The following PBRM1 variants were observed in gnomAD, a reference collection of about 807,000 sequenced individuals.
PBRM1 encodes protein polybromo-1.
A neutral mutation model predicts 194.5 loss-of-function variants in PBRM1; 27 were observed. The ratio of observed to expected loss-of-function variants is 0.14; its 90% CI spans 0.10 to 0.19. The LOEUF (loss-of-function observed/expected upper bound fraction) is 0.19, where lower values mean the gene tolerates loss of function less well. Among genes scored for constraint, PBRM1 ranks in the 10% least tolerant of loss-of-function variants. The pLI is 1.00. For missense variants in PBRM1, 1,466 were observed against 2,077.2 expected, an observed-to-expected ratio of 0.71 and a Z score of 5.72; for synonymous variants, 655 against 693.2, an observed-to-expected ratio of 0.94 and a Z score of 0.87.
intron 26 of PBRM1, among the ~76,000 whole-genome samples, chr3:52,555,804 G>A (rs1021673796): frequency 2.6e-5 from 4 of 152,196 alleles, no homozygotes; most frequent in African/African-American, 9.7e-5. Context: ...ACTGGCTAGA[G>A]AAGAGTTTCA....
chr3:52,588,204 A>C (rs922367836), intron 18 of PBRM1, among the ~76,000 whole-genome samples: 1 of 152,172 alleles, frequency 6.6e-6, no homozygotes, highest in African/African-American at 2.4e-5. Context: ...GAAGGAATAC[A>C]AAAGTATTTC....
chr3:52,556,786 T>C (rs1211893597), intron 26 of PBRM1, among the ~76,000 whole-genome samples: 4 of 152,172 alleles, frequency 2.6e-5, no homozygotes, highest in African/African-American at 9.7e-5. Flanking sequence ...CAGAGAATGC[T>C]TGCTTTTCAC....
At chr3:52,612,905 CAA>C (rs576855027) in intron 15 of PBRM1, among the ~76,000 whole-genome samples, 14,863 of 85,144 alleles carry the variant, frequency 0.17, 1,701 homozygotes, top group African/African-American at 0.43. Context: ...GAATCCGTCT[CAA>C]AAAAAAAAAA....
chr3:52,595,177 A>C (rs1184448710), intron 17 of PBRM1, among the ~76,000 whole-genome samples: 4 of 152,070 alleles, frequency 2.6e-5, no homozygotes, highest in Non-Finnish European at 5.9e-5. Flanking sequence ...TTCAATCTTT[A>C]AAGTTGCTGT....
chr3:52,550,399 G>A, intron 29 of PBRM1, 22 bp downstream of exon 31: 1 of 1,293,852 alleles, frequency 7.7e-7, no homozygotes, highest in Non-Finnish European at 1.0e-6. Context: ...TTTCACAAAG[G>A]CTTATTTAGA....
upstream of PBRM1, among the ~76,000 whole-genome samples, chr3:52,684,658 A>C (rs2097280388): frequency 6.6e-6 from 1 of 152,210 alleles, no homozygotes; most frequent in South Asian, 2.1e-4. Context: ...AGGTTCTTCC[A>C]AGTCAACATT....
intron 13 of PBRM1, among the ~76,000 whole-genome samples, chr3:52,624,101 A>G (rs1213826816): frequency 2.0e-5 from 3 of 152,198 alleles, no homozygotes; most frequent in Non-Finnish European, 4.4e-5. Context: ...TCCTAAAGCT[A>G]TCTGGGCAAT....
intron 27 of PBRM1, chr3:52,551,973 C>T (rs1199281542): frequency 1.3e-5 from 2 of 152,252 alleles, no homozygotes; most frequent in East Asian, 3.9e-4. Flanking sequence ...ATGCCACTTC[C>T]AGGAAGCATA....
At chr3:52,551,263 G>C (rs980508059) in intron 27 of PBRM1, among the ~76,000 whole-genome samples, 5 of 152,214 alleles carry the variant, frequency 3.3e-5, no homozygotes, top group Non-Finnish European at 7.3e-5. Context: ...AGAGGCTGTG[G>C]AAGTGCATAG....
chr3:52,664,082 C>T (rs2096780057), intron 3 of PBRM1, among the ~76,000 whole-genome samples: 2 of 148,650 alleles, frequency 1.3e-5, no homozygotes, highest in South Asian at 2.1e-4. Context: ...AAAAGTTGGG[C>T]ACGGTGGCGC....
chr3:52,567,344 G>A (rs902311832), intron 22 of PBRM1, among the ~76,000 whole-genome samples: 4 of 151,934 alleles, frequency 2.6e-5, no homozygotes, highest in Non-Finnish European at 5.9e-5. Context: ...CAATTTGCAC[G>A]TAGGTGAATA....
intron 13 of PBRM1, among the ~76,000 whole-genome samples, chr3:52,624,246 G>A (rs1203690006): frequency 6.6e-6 from 1 of 152,164 alleles, no homozygotes; most frequent in Non-Finnish European, 1.5e-5. Context: ...TAAAAGAGAT[G>A]ACTAAATGTT....
intron 9 of PBRM1, 117 bp from the exon 11 acceptor site, chr3:52,642,162 A>T (rs2096117762): frequency 2.9e-6 from 2 of 678,522 alleles, no homozygotes; most frequent in South Asian, 3.4e-5. Context: ...ATTTCTATTC[A>T]ATTGCCTCCT....
intron 15 of PBRM1, 46 bp downstream of exon 17, chr3:52,615,305 C>A (rs761001375): frequency 9.8e-7 from 1 of 1,022,516 alleles, no homozygotes; most frequent in Non-Finnish European, 1.5e-6. Flanking sequence ...TCAGCAATCT[C>A]TTCTTGATAG....
exon 24 of PBRM1, chr3:52,563,313 C>T: frequency 6.2e-7 from 1 of 1,614,102 alleles, no homozygotes; most frequent in Middle Eastern, 1.6e-4. Flanking sequence ...TGAGGTCCAG[C>T]TCACTGGCCA....
intron 17 of PBRM1, among the ~76,000 whole-genome samples, chr3:52,591,380 G>A (rs937170702): frequency 1.3e-5 from 2 of 152,048 alleles, no homozygotes; most frequent in African/African-American, 2.4e-5. Flanking sequence ...TCAGCATGAC[G>A]TTGGGTGGCT....
At chr3:52,612,994 C>T (rs1286103373) in intron 15 of PBRM1, among the ~76,000 whole-genome samples, 1 of 150,604 alleles carries the variant, frequency 6.6e-6, no homozygotes, top group Non-Finnish European at 1.5e-5. Context: ...TATAAAAATA[C>T]ATTTGTGAGA....
intron 22 of PBRM1, among the ~76,000 whole-genome samples, chr3:52,573,689 C>T (rs1403178551): frequency 6.6e-6 from 1 of 152,214 alleles, no homozygotes; most frequent in Non-Finnish European, 1.5e-5. Context: ...AGGGCCATTA[C>T]TTCACAGAAA....
intron 12 of PBRM1, among the ~76,000 whole-genome samples, chr3:52,627,879 A>G (rs1486879099): frequency 1.3e-5 from 2 of 152,226 alleles, no homozygotes; most frequent in Non-Finnish European, 2.9e-5. Context: ...TAAAAAGGTA[A>G]TAATACCTGA....
Sources: gnomAD v4.1 joint callset for allele counts (sites outside exome capture counted in the v4.1 genomes callset) on GRCh38, gnomAD v4.1.1 for gene constraint, MANE v1.5 for transcripts, NCBI Gene and HGNC (gene_info 2026-07-23, HGNC 2026-07-21) for gene names.